Variants in UNC13C observed in about 807,000 individuals in gnomAD.
The protein encoded by UNC13C is protein unc-13 homolog C.
A neutral mutation model predicts 245.4 loss-of-function variants in UNC13C; 174 were observed. That is an observed-to-expected ratio of 0.71 (90% confidence interval 0.63 to 0.80). UNC13C has a LOEUF of 0.80. Among genes scored for constraint, UNC13C ranks in the 30% least tolerant of loss-of-function variants. The pLI, the probability that UNC13C is intolerant of heterozygous loss-of-function variation, is 0.00. For synonymous variants in UNC13C, 992 were observed against 895.1 expected (o/e 1.11, Z -1.93); for missense variants, 2,829 against 2,602.9 (o/e 1.09, Z -1.89).
chr15:54,495,752 A>G (rs1893919919), intron 20 of UNC13C, among the ~76,000 whole-genome samples: 1 of 152,048 alleles, frequency 6.6e-6, no homozygotes, highest in Non-Finnish European at 1.5e-5. Flanking sequence ...CACATTCATC[A>G]GGCATTGTGG....
chr15:54,547,803 T>TACATACACACATAC (rs1555393354), intron 27 of UNC13C, among the ~76,000 whole-genome samples: 6 of 151,522 alleles, frequency 4.0e-5, no homozygotes, highest in Admixed American at 2.6e-4. Flanking sequence ...CATTTATAAA[T>TACATACACACATAC]ACACACACAC....
intron 4 of UNC13C, among the ~76,000 whole-genome samples, chr15:54,214,594 T>C (rs1014102957): frequency 1.3e-5 from 2 of 151,994 alleles, no homozygotes; most frequent in Non-Finnish European, 2.9e-5. Flanking sequence ...GGTTTATATA[T>C]GCAGCATACT....
intron 28 of UNC13C, among the ~76,000 whole-genome samples, chr15:54,551,507 T>C (rs1025740094): frequency 6.6e-6 from 1 of 152,028 alleles, no homozygotes; most frequent in Non-Finnish European, 1.5e-5. Flanking sequence ...CTAGAGGGTA[T>C]ATACATGCTC....
intron 30 of UNC13C, among the ~76,000 whole-genome samples, chr15:54,602,648 C>T (rs1352903206): frequency 1.3e-5 from 2 of 152,036 alleles, no homozygotes; most frequent in African/African-American, 4.8e-5. Context: ...GAACAAAGAG[C>T]CACATAGAAC....
intron 24 of UNC13C, among the ~76,000 whole-genome samples, chr15:54,517,666 C>G (rs1217005424): frequency 1.3e-5 from 2 of 152,120 alleles, no homozygotes; most frequent in South Asian, 2.1e-4. Context: ...CTAATTCATT[C>G]AACAAATATT....
chr15:54,138,730 A>T (rs1413272906), intron 2 of UNC13C, among the ~76,000 whole-genome samples: 1 of 151,828 alleles, frequency 6.6e-6, no homozygotes, highest in Non-Finnish European at 1.5e-5. Flanking sequence ...CCATAACATA[A>T]TATCGAAAAT....
At chr15:54,147,220 CTTTTT>C (rs5812743) in intron 4 of UNC13C, among the ~76,000 whole-genome samples, 3 of 130,580 alleles carry the variant, frequency 2.3e-5, no homozygotes, top group Admixed American at 7.6e-5. Flanking sequence ...ATGAAACTAC[CTTTTT>C]TTTTTTTTTT....
the UNC13C span, among the ~76,000 whole-genome samples, chr15:53,873,811 C>T: frequency 7.9e-4 from 7 of 8,880 alleles, no homozygotes; most frequent in South Asian, 0.023. Context: ...ATCACCCTCA[C>T]GTGATTACAG....
intron 4 of UNC13C, among the ~76,000 whole-genome samples, chr15:54,233,980 A>T (rs2035620788): frequency 6.6e-6 from 1 of 152,194 alleles, no homozygotes; most frequent in Admixed American, 6.5e-5. Context: ...TTAATGCAAT[A>T]AAAAGTCAAA....
the UNC13C span, among the ~76,000 whole-genome samples, chr15:53,891,365 C>CAG: frequency 6.6e-6 from 1 of 152,062 alleles, no homozygotes; most frequent in East Asian, 1.9e-4. Context: ...GAGTTCTGTG[C>CAG]ATATCTATTA....
At chr15:54,061,217 G>C (rs1448418759) in intron 2 of UNC13C, among the ~76,000 whole-genome samples, 1 of 151,734 alleles carries the variant, frequency 6.6e-6, no homozygotes, top group Non-Finnish European at 1.5e-5. Context: ...AACTAGAAAG[G>C]ATTGGTACTA....
intron 4 of UNC13C, among the ~76,000 whole-genome samples, chr15:54,197,747 A>G (rs1051528777): frequency 2.0e-5 from 3 of 152,166 alleles, no homozygotes; most frequent in Non-Finnish European, 4.4e-5. Context: ...AGAGAGAGCA[A>G]TATGTGAATA....
At chr15:54,303,989 A>G (rs1468902760) in intron 13 of UNC13C, among the ~76,000 whole-genome samples, 1 of 152,058 alleles carries the variant, frequency 6.6e-6, no homozygotes, top group Non-Finnish European at 1.5e-5. Context: ...CATTGTATTT[A>G]TAAATCTCAG....
intron 19 of UNC13C, among the ~76,000 whole-genome samples, chr15:54,462,496 C>T (rs562328573): frequency 1.6e-4 from 25 of 152,222 alleles, no homozygotes; most frequent in Admixed American, 3.3e-4. Context: ...ACTGCACTCG[C>T]GGGCCAGCGC....
intron 12 of UNC13C, among the ~76,000 whole-genome samples, chr15:54,299,365 T>C (rs953403238): frequency 2.5e-4 from 38 of 152,178 alleles, no homozygotes; most frequent in African/African-American, 8.7e-4. Context: ...CAACCTCGAT[T>C]CATTGCCCTG....
intron 2 of UNC13C, among the ~76,000 whole-genome samples, chr15:54,096,248 C>T (rs1899855542): frequency 6.6e-6 from 1 of 151,958 alleles, no homozygotes; most frequent in Non-Finnish European, 1.5e-5. Flanking sequence ...GTGCAGAAAG[C>T]ATCGGTCTGG....
chr15:54,005,409 A>G (rs1254791666), intron 1 of UNC13C, among the ~76,000 whole-genome samples: 1 of 152,112 alleles, frequency 6.6e-6, no homozygotes, highest in African/African-American at 2.4e-5. Context: ...CATCACTTCC[A>G]AGCTATGTGG....
At chr15:54,236,642 T>C (rs1276643940) in intron 6 of UNC13C, among the ~76,000 whole-genome samples, 2 of 152,158 alleles carry the variant, frequency 1.3e-5, no homozygotes, top group Non-Finnish European at 2.9e-5. Flanking sequence ...CAGACCAAAA[T>C]AGGATACAAG....
rs745955813 is a variant in UNC13C, at chr15:54,013,100, T to C, written c.197T>C (p.Ile66Thr). The change falls in exon 2 of 33, where the codon ATT becomes ACT. Residue 66 changes from isoleucine to threonine, a missense_variant. Transcript: ENST00000260323. The stretch of plus-strand genomic sequence containing the variant: ...ACTTTTAAAAGCACTGTAAAGAAGA[T>C]TGCAAAGTGTTCATCCACTCACAAC... Reference protein sequence around the residue: ...SYTFKSTVKKIAKCSSTHNLS... With the variant: ...SYTFKSTVKKTAKCSSTHNLS... The C allele has an allele frequency of 3.7e-6, 6 of 1,613,780 alleles. No homozygotes were observed. Among genetic ancestry groups the C allele is most frequent in the Non-Finnish European group, 5.1e-6 (6 of 1,179,874 alleles).
Sources: gnomAD v4.1 joint callset for allele counts (sites outside exome capture counted in the v4.1 genomes callset) on GRCh38, gnomAD v4.1.1 for gene constraint, MANE v1.5 for transcripts, NCBI Gene and HGNC (gene_info 2026-07-23, HGNC 2026-07-21) for gene names.